Variants in FOCAD observed in about 807,000 individuals in gnomAD.
The protein encoded by FOCAD is KIAA1797.
A neutral mutation model predicts 225.6 loss-of-function variants in FOCAD; 198 were observed. The observed-to-expected ratio is 0.88, with a 90% CI of 0.78 to 0.99. FOCAD has a LOEUF of 0.99. Ranked by LOEUF, FOCAD falls within the 50% of genes least tolerant of loss-of-function variation. FOCAD has a pLI of 0.00. For synonymous variants in FOCAD, 897 were observed against 755.0 expected (o/e 1.19, Z -3.08); for missense variants, 2,713 against 2,123.6 (o/e 1.28, Z -5.46).
At chr9:20,981,132 C>T (rs980011485) in intron 37 of FOCAD, among the ~76,000 whole-genome samples, 4 of 152,082 alleles carry the variant, frequency 2.6e-5, no homozygotes, top group Admixed American at 6.6e-5. Flanking sequence ...ATTTTATTCC[C>T]GTCACTGAAA....
intron 9 of FOCAD, 119 bp downstream of exon 9, chr9:20,778,887 AAATT>A: frequency 4.0e-6 from 2 of 502,894 alleles, no homozygotes; most frequent in Non-Finnish European, 6.8e-6. Context: ...GTAATTTTTA[AAATT>A]ATTAAATAGA....
intron 15 of FOCAD, among the ~76,000 whole-genome samples, chr9:20,845,709 A>G (rs1827036463): frequency 6.6e-6 from 1 of 151,914 alleles, no homozygotes; most frequent in Non-Finnish European, 1.5e-5. Context: ...ATGGACTCCT[A>G]CCTGTATTAT....
rs1033437604 is a variant in FOCAD, at chr9:20,828,862, C to T, written c.1920+5747C>T. 1.1e-4 allele frequency among the ~76,000 whole-genome samples: 16 copies of T among 152,164 alleles called. 1 individual carries two copies. The highest frequency in any genetic ancestry group is 8.5e-4 in the Admixed American group (13 of 15,278). ...TCCATGTGTTCTCATTGTTCAAATC[C>T]CACTTATAATTGAGAACATGCGGTA... is the stretch of plus-strand genomic sequence containing the variant. On this transcript the variant is annotated intron_variant, in intron 15 of 43. Transcript: ENST00000338382.
intron 21 of FOCAD, among the ~76,000 whole-genome samples, chr9:20,899,882 C>G (rs778378247): frequency 6.6e-6 from 1 of 151,806 alleles, no homozygotes; most frequent in Non-Finnish European, 1.5e-5. Context: ...GCCTGACATA[C>G]CAGGAGCAGT....
chr9:20,989,275 GA>G (rs1841451199), intron 41 of FOCAD, among the ~76,000 whole-genome samples: 1 of 152,174 alleles, frequency 6.6e-6, no homozygotes, highest in African/African-American at 2.4e-5. Context: ...AAGAGATTAG[GA>G]AGTACTTTTT....
chr9:20,826,255 G>T (rs145244202), intron 15 of FOCAD, among the ~76,000 whole-genome samples: 348 of 152,178 alleles, frequency 2.3e-3, no homozygotes, highest in African/African-American at 7.9e-3. Flanking sequence ...CATTTATTCA[G>T]CTGCCAGCAT....
chr9:20,738,610 G>T (rs949555172), intron 4 of FOCAD, among the ~76,000 whole-genome samples: 2 of 152,216 alleles, frequency 1.3e-5, no homozygotes, highest in Admixed American at 6.5e-5. Context: ...ATGGTCCTAA[G>T]AGGATCCATA....
chr9:20,755,953 A>G (rs776736156), intron 5 of FOCAD, among the ~76,000 whole-genome samples: 1 of 151,892 alleles, frequency 6.6e-6, no homozygotes, highest in African/African-American at 2.4e-5. Context: ...AATCACTGCT[A>G]CTGGCCTGTT....
intron 2 of FOCAD, among the ~76,000 whole-genome samples, chr9:20,676,846 TA>T (rs1353886459): frequency 1.3e-5 from 2 of 152,124 alleles, no homozygotes; most frequent in African/African-American, 4.8e-5. Flanking sequence ...ATACAATCCC[TA>T]AAAAATTTTG....
intron 37 of FOCAD, among the ~76,000 whole-genome samples, chr9:20,980,295 A>G (rs976264889): frequency 3.9e-5 from 6 of 152,186 alleles, no homozygotes; most frequent in Admixed American, 1.3e-4. Flanking sequence ...AAGTTTGCCT[A>G]GCTAATAAAA....
At chr9:20,811,052 A>T (rs1288629120) in intron 11 of FOCAD, among the ~76,000 whole-genome samples, 1 of 152,086 alleles carries the variant, frequency 6.6e-6, no homozygotes, top group African/African-American at 2.4e-5. Context: ...CTTTATTGGC[A>T]GATAGTAGTC....
At chr9:20,844,406 G>GC (rs1826872704) in intron 15 of FOCAD, among the ~76,000 whole-genome samples, 1 of 124,610 alleles carries the variant, frequency 8.0e-6, no homozygotes, top group Admixed American at 1.0e-4. Context: ...TGTCACTCAG[G>GC]CTGGAATGCA....
chr9:20,773,447 A>G (rs953341696), intron 8 of FOCAD, among the ~76,000 whole-genome samples: 2 of 152,192 alleles, frequency 1.3e-5, no homozygotes, highest in African/African-American at 4.8e-5. Flanking sequence ...TAGCACCCAC[A>G]GGTGATTTTT....
intron 21 of FOCAD, among the ~76,000 whole-genome samples, chr9:20,897,477 G>A (rs970334412): frequency 1.3e-5 from 2 of 149,252 alleles, no homozygotes; most frequent in African/African-American, 2.5e-5. Context: ...TTGTCCTTAC[G>A]GTTTCAACTG....
intron 11 of FOCAD, among the ~76,000 whole-genome samples, chr9:20,811,002 T>C (rs1451452871): frequency 6.6e-6 from 1 of 152,144 alleles, no homozygotes; most frequent in Non-Finnish European, 1.5e-5. Flanking sequence ...CTAATTTTTC[T>C]GATTCTAAGT....
intron 15 of FOCAD, among the ~76,000 whole-genome samples, chr9:20,833,911 T>C (rs1302183265): frequency 6.6e-6 from 1 of 152,088 alleles, no homozygotes; most frequent in African/African-American, 2.4e-5. Context: ...AATGTACAAC[T>C]ACTGTGGAAA....
At chr9:20,914,611 G>T (rs1017518782) in intron 23 of FOCAD, among the ~76,000 whole-genome samples, 1 of 152,158 alleles carries the variant, frequency 6.6e-6, no homozygotes, top group African/African-American at 2.4e-5. Flanking sequence ...TAGGCCCTGG[G>T]AGTGTACCTG....
At chr9:20,780,075 G>A (rs1176463560) in intron 9 of FOCAD, among the ~76,000 whole-genome samples, 1 of 152,126 alleles carries the variant, frequency 6.6e-6, no homozygotes, top group Admixed American at 6.5e-5. Flanking sequence ...TTTTAAAACA[G>A]CTTTATTGAG....
intron 11 of FOCAD, among the ~76,000 whole-genome samples, chr9:20,791,822 G>A (rs976159013): frequency 4.6e-5 from 7 of 152,106 alleles, no homozygotes; most frequent in Non-Finnish European, 1.0e-4. Context: ...GGGGTGAGAT[G>A]GTCCCCCAAA....
Sources: gnomAD v4.1 joint callset for allele counts (sites outside exome capture counted in the v4.1 genomes callset) on GRCh38, gnomAD v4.1.1 for gene constraint, MANE v1.5 for transcripts, NCBI Gene and HGNC (gene_info 2026-07-23, HGNC 2026-07-21) for gene names.